NTRK3: variants seen among roughly 807,000 people sequenced by gnomAD.
NTRK3 encodes the protein neurotrophic receptor tyrosine kinase 3.
A neutral mutation model predicts 91.7 loss-of-function variants in NTRK3; 24 were observed. The observed-to-expected ratio is 0.26, with a 90% confidence interval of 0.19 to 0.37. The LOEUF is 0.37. NTRK3 is among the 10% of genes least tolerant of loss of function. The pLI, the probability that NTRK3 is intolerant of heterozygous loss-of-function variation, is 1.00. For missense variants in NTRK3, 880 were observed against 1,068.9 expected (o/e 0.82, Z 2.46); for synonymous variants, 483 against 404.0 (o/e 1.20, Z -2.34).
At chr15:87,920,559 G>A (rs992440250) in intron 17 of NTRK3, among the ~76,000 whole-genome samples, 2 of 152,202 alleles carry the variant, frequency 1.3e-5, no homozygotes, top group African/African-American at 2.4e-5. Flanking sequence ...AACTCCAGCA[G>A]AGAACAGTAA....
At chr15:88,034,372 C>A (rs145777170) in intron 13 of NTRK3, among the ~76,000 whole-genome samples, 2 of 152,188 alleles carry the variant, frequency 1.3e-5, no homozygotes, top group African/African-American at 4.8e-5. Context: ...TAAGGACATA[C>A]AGTTACTCAA....
In NTRK3 at chr15:87,919,247, C is replaced by T. The variant is rs79330467; in HGVS notation, c.2133+9944G>A. On this transcript the variant is annotated intron_variant, in intron 17 of 18. Coordinates refer to ENST00000394480, the Ensembl canonical transcript of NTRK3. ...GAATCTAGGCTTCTTGGCTTCTACT[C>T]CTGCATTCTAGTTCCCACATTTGTC... Among the ~76,000 whole-genome samples, 47 of 152,290 alleles carry T rather than the reference C, an allele frequency of 3.1e-4. No homozygotes were observed. The East Asian group carries it at 8.7e-3, about 28-fold the overall frequency.
exon 19 of NTRK3, chr15:87,862,569 T>G (rs1036337420): frequency 4.4e-6 from 1 of 225,974 alleles, no homozygotes; most frequent in African/African-American, 2.2e-5. Context: ...CATCCTGACA[T>G]GAGTGGAGAA....
chr15:87,892,818 T>A lies in NTRK3; in HGVS notation c.2134-12390A>T, dbSNP rs59192396. 5.7e-3 allele frequency among the ~76,000 whole-genome samples: 861 copies of A among 152,276 alleles called. 10 individuals carry two copies. Among genetic ancestry groups the A allele is most frequent in the African/African-American group, 0.019 (783 of 41,548 alleles). ...GCATAAAAATATATAAAGATAAAATTCAGTGGGGTAACTGCAATGAAAATA... is the reference window on the plus strand; with the variant it reads ...GCATAAAAATATATAAAGATAAAATACAGTGGGGTAACTGCAATGAAAATA... On this transcript the variant is annotated intron_variant, in intron 17 of 18. Transcript: ENST00000394480.
intron 14 of NTRK3, among the ~76,000 whole-genome samples, chr15:87,949,896 C>T (rs2070933676): frequency 6.6e-6 from 1 of 152,222 alleles, no homozygotes; most frequent in Non-Finnish European, 1.5e-5. Flanking sequence ...CAGGCTCCGA[C>T]TGAGAATGTG....
intron 3 of NTRK3, chr15:88,210,206 T>A (rs2049122255): frequency 6.6e-6 from 1 of 152,106 alleles, no homozygotes; most frequent in South Asian, 2.1e-4. Flanking sequence ...TAGGAAGAAA[T>A]GTTTTTCTTG....
At chr15:88,156,184 CCAGAGCA>C (rs1164310597) in intron 5 of NTRK3, among the ~76,000 whole-genome samples, 2 of 152,184 alleles carry the variant, frequency 1.3e-5, no homozygotes, top group African/African-American at 4.8e-5. Flanking sequence ...TCCAGTTGTC[CCAGAGCA>C]CAGTGCAACA....
At chr15:88,054,044 A>T (rs2045471740) in intron 13 of NTRK3, among the ~76,000 whole-genome samples, 1 of 152,226 alleles carries the variant, frequency 6.6e-6, no homozygotes, top group Non-Finnish European at 1.5e-5. Flanking sequence ...CCGATAATTC[A>T]ACAAGTGGTG....
chr15:88,016,874 T>C (rs1224119090), intron 14 of NTRK3, among the ~76,000 whole-genome samples: 1 of 142,852 alleles, frequency 7.0e-6, no homozygotes, highest in Non-Finnish European at 1.5e-5. Flanking sequence ...TTTTCTTTCA[T>C]AAAGACTGGC....
intron 11 of NTRK3, 131 bp from the exon 12 acceptor site, chr15:88,127,357 T>A: frequency 1.3e-6 from 1 of 777,364 alleles, no homozygotes. Flanking sequence ...AGCCAGGCTC[T>A]TGCAGTCTGC....
chr15:88,239,381 G>A (rs2052100945), intron 3 of NTRK3, among the ~76,000 whole-genome samples: 1 of 152,184 alleles, frequency 6.6e-6, no homozygotes, highest in African/African-American at 2.4e-5. Flanking sequence ...ACAGAGAGAA[G>A]TCTCAACTAC....
intron 17 of NTRK3, among the ~76,000 whole-genome samples, chr15:87,918,333 T>G (rs781516936): frequency 5.9e-5 from 9 of 152,224 alleles, no homozygotes; most frequent in Non-Finnish European, 1.0e-4. Context: ...TAAGCCAAAA[T>G]AGTTGGCCTT....
At chr15:87,917,113 T>G (rs1235772130) in intron 17 of NTRK3, among the ~76,000 whole-genome samples, 2 of 152,244 alleles carry the variant, frequency 1.3e-5, no homozygotes, top group African/African-American at 4.8e-5. Context: ...TTCTGAGTCT[T>G]ATAATGTCTG....
chr15:87,923,229 T>C (rs1337092935), intron 17 of NTRK3, among the ~76,000 whole-genome samples: 8 of 152,200 alleles, frequency 5.3e-5, no homozygotes, highest in African/African-American at 1.9e-4. Context: ...CTCTTCTATG[T>C]GGGACACAGC....
chr15:88,079,061 G>T (rs568346661), intron 13 of NTRK3, among the ~76,000 whole-genome samples: 30 of 152,292 alleles, frequency 2.0e-4, no homozygotes, highest in African/African-American at 7.0e-4. Context: ...GGTGAACATG[G>T]GGAGCCCAGT....
At chr15:87,875,249 T>C (rs897144332) in exon 19 of NTRK3, 1 of 230,034 alleles carries the variant, frequency 4.3e-6, no homozygotes, top group African/African-American at 2.2e-5. Flanking sequence ...AGCTCTGTGC[T>C]TGGGGCAAGG....
chr15:87,866,041 G>A (rs762325786), exon 19 of NTRK3: 1 of 230,870 alleles, frequency 4.3e-6, no homozygotes, highest in Non-Finnish European at 8.6e-6. Flanking sequence ...GTCTGGCCCT[G>A]TACAGTTCAC....
exon 19 of NTRK3, chr15:87,874,679 A>G (rs1011677847): frequency 2.1e-5 from 5 of 232,604 alleles, no homozygotes; most frequent in Non-Finnish European, 4.2e-5. Context: ...ACCAGAAGAT[A>G]CTTTTCCCTC....
chr15:88,138,932 G>A (rs555368965), intron 6 of NTRK3, among the ~76,000 whole-genome samples: 1 of 152,344 alleles, frequency 6.6e-6, no homozygotes, highest in East Asian at 1.9e-4. Context: ...GAGAGAACGA[G>A]ACTGACTGAC....
Sources: gnomAD v4.1 joint callset for allele counts (sites outside exome capture counted in the v4.1 genomes callset) on GRCh38, gnomAD v4.1.1 for gene constraint, MANE v1.5 for transcripts, NCBI Gene and HGNC (gene_info 2026-07-23, HGNC 2026-07-21) for gene names.